Variants in ACOT13 observed in about 807,000 individuals in gnomAD.
The protein encoded by ACOT13 is acyl-CoA thioesterase 13, also known as acyl-coenzyme A thioesterase 13.
A neutral mutation model predicts 11.8 loss-of-function variants in ACOT13; 10 were observed. The observed-to-expected ratio is 0.85, with a 90% CI of 0.53 to 1.44. ACOT13 has a LOEUF of 1.44. Among genes scored for constraint, ACOT13 ranks in the 40% most tolerant of loss-of-function variants. The pLI is 0.00. For synonymous variants in ACOT13, 53 were observed against 61.0 expected (o/e 0.87, Z 0.61); for missense variants, 172 against 174.1 (o/e 0.99, Z 0.07).
chr6:24,676,956 A>G (rs1690222355), intron 1 of ACOT13, among the ~76,000 whole-genome samples: 1 of 152,130 alleles, frequency 6.6e-6, no homozygotes. Context: ...GCGTACTTAG[A>G]GTCTGTATAT....
chr6:24,697,826 T>C (rs1251438428), intron 1 of ACOT13, 57 bp from the exon 2 acceptor site: 1 of 1,428,190 alleles, frequency 7.0e-7, no homozygotes, highest in East Asian at 2.4e-5. Flanking sequence ...TCATGGGCTT[T>C]TTTGGCTTTT....
intron 1 of ACOT13, among the ~76,000 whole-genome samples, chr6:24,684,240 A>G (rs1271033508): frequency 1.3e-5 from 2 of 152,246 alleles, no homozygotes; most frequent in Non-Finnish European, 2.9e-5. Context: ...GGCAAATGGC[A>G]TAAAATCCAA....
intron 1 of ACOT13, chr6:24,687,785 A>C (rs2127625687): frequency 7.0e-5 from 89 of 1,267,662 alleles, no homozygotes; most frequent in East Asian, 1.4e-4. Flanking sequence ...ATCTTGGCTC[A>C]ACTGCAACCT....
rs532472016 is a variant in ACOT13, at chr6:24,704,921, CTTTTTT to C, written c.*3308_*3313del. 6.6e-6 allele frequency: 1 copy of C among 151,750 alleles called. No individual in the cohort carries two copies. Among genetic ancestry groups the C allele is most frequent in the Non-Finnish European group, 1.5e-5 (1 of 67,792 alleles). The allele number at this position is 151,750 out of a possible 1,614,324, so 9.4% of individuals were successfully genotyped here. A position where few individuals can be genotyped will look rare whatever the true frequency, so the allele number is the denominator to read the frequency against. ...CCTATTTTATTTAGGTTTTCTTTTT[CTTTTTT>C]TCTTTTTTTTTCAAATTCCAACCAG... On this transcript the variant is annotated 3_prime_UTR_variant, in exon 3 of 3. Transcript: ENST00000230048.
chr6:24,699,957 A>G (rs1428449451), intron 2 of ACOT13, among the ~76,000 whole-genome samples: 1 of 152,240 alleles, frequency 6.6e-6, no homozygotes, highest in Non-Finnish European at 1.5e-5. Context: ...AAACTAGGAC[A>G]TGGTCTTTCA....
At position 24,699,761 on chromosome 6, in the gene ACOT13, C is replaced by G. The variant is rs138522341; in HGVS notation, c.266+1694C>G. 6.6e-5 allele frequency among the ~76,000 whole-genome samples: 10 copies of G among 152,310 alleles called. No individual in the cohort carries two copies. The East Asian group carries it at 1.7e-3, about 26-fold the overall frequency. On this transcript the variant is annotated intron_variant, in intron 2 of 2. Transcript: ENST00000230048. ...ATGACTTGATTTTCCCTAAAAGTCT[C>G]TATTAAGAGCAGAGAGATCTTCAAA...
rs1420004836 is a variant in ACOT13 at position 24,702,043 on chromosome 6, G to GCTCA, written c.*428_*429insCTCA. 1 of 153,584 alleles carries GCTCA rather than the reference G, an allele frequency of 6.5e-6. No individual in the cohort carries two copies. The highest frequency in any genetic ancestry group is 2.4e-5 in the African/African-American group (1 of 41,476). 9.5% of individuals were successfully genotyped at this position (153,584 alleles called of 1,614,324 possible). On this transcript the variant is annotated 3_prime_UTR_variant, in exon 3 of 3. Transcript: ENST00000230048. ...GGTCAAGGCCCAGCAGATCCTGTTA[G>GCTCA]GTGAGGGCCCGCTTCCTGGCTCATA...
intron 1 of ACOT13, among the ~76,000 whole-genome samples, chr6:24,673,023 G>A (rs1399794023): frequency 6.6e-6 from 1 of 152,090 alleles, no homozygotes; most frequent in African/African-American, 2.4e-5. Flanking sequence ...GTCCTTTTTA[G>A]ACCCAGGAGT....
chr6:24,685,332 CTTTTTTTTTT>C (rs563020332), intron 1 of ACOT13, among the ~76,000 whole-genome samples: 20 of 116,764 alleles, frequency 1.7e-4, no homozygotes, highest in Non-Finnish European at 2.9e-4. Context: ...TTTTACTGTA[CTTTTTTTTTT>C]TTTTTTTTTT....
intron 1 of ACOT13, among the ~76,000 whole-genome samples, chr6:24,689,424 C>T (rs1193100193): frequency 6.6e-6 from 1 of 151,928 alleles, no homozygotes; most frequent in Non-Finnish European, 1.5e-5. Context: ...GAGTTTGAGT[C>T]CAGCCTGGGC....
Position 24,703,997 on chromosome 6 carries a change from A to T in ACOT13, c.*2382A>T, listed in dbSNP as rs150884401. On this transcript the variant is annotated 3_prime_UTR_variant, in exon 3 of 3. Transcript: ENST00000230048. The stretch of plus-strand genomic sequence containing the variant: ...TTCCACATTAAAGACAACTGAGAAC[A>T]ACTAAATTCAATGATCCTGTACTCT... 1 of 152,336 alleles carries T rather than the reference A, an allele frequency of 6.6e-6. No individual in the cohort carries two copies. The highest frequency in any genetic ancestry group is 1.9e-4 in the East Asian group (1 of 5,190). 9.4% of individuals were successfully genotyped at this position (152,336 alleles called of 1,614,324 possible). A position where few individuals can be genotyped will look rare whatever the true frequency, so the allele number is the denominator to read the frequency against.
rs1167372707 is a variant in ACOT13 at position 24,671,013 on chromosome 6, G to A, written c.81+3669G>A. Among the ~76,000 whole-genome samples the A allele has an allele frequency of 2.6e-5, 4 of 152,118 alleles. No homozygotes were observed. In the East Asian group the frequency reaches 7.7e-4, roughly 29 times the overall value. On this transcript the variant is annotated intron_variant, in intron 1 of 2. Transcript: ENST00000230048. ...ATAGTTACGTTTTTACACTGTTGGT[G>A]GGAGTGTAAACTAGGTCAACCATTG...
intron 1 of ACOT13, among the ~76,000 whole-genome samples, chr6:24,693,072 G>A (rs1430262668): frequency 6.6e-6 from 1 of 152,160 alleles, no homozygotes. Flanking sequence ...ATATGAAGGT[G>A]CATTCATACA....
intron 1 of ACOT13, among the ~76,000 whole-genome samples, chr6:24,680,416 T>A (rs1429175682): frequency 6.6e-6 from 1 of 152,000 alleles, no homozygotes; most frequent in Admixed American, 6.6e-5. Context: ...GTGGGGAACG[T>A]TTCCGATCTG....
chr6:24,682,980 CTGAT>C (rs1172492357), intron 1 of ACOT13, among the ~76,000 whole-genome samples: 1 of 152,190 alleles, frequency 6.6e-6, no homozygotes, highest in Non-Finnish European at 1.5e-5. Flanking sequence ...AGTGAGCTCT[CTGAT>C]TGGTTGGGTG....
At chr6:24,680,881 G>A (rs537721118) in intron 1 of ACOT13, among the ~76,000 whole-genome samples, 2 of 152,308 alleles carry the variant, frequency 1.3e-5, no homozygotes, top group South Asian at 2.1e-4. Context: ...CAGCTCGCAC[G>A]TTTGAGGAGA....
chr6:24,679,641 G>T (rs1318851339), intron 1 of ACOT13, among the ~76,000 whole-genome samples: 1 of 152,210 alleles, frequency 6.6e-6, no homozygotes, highest in Admixed American at 6.5e-5. Context: ...GGAACTGCCT[G>T]CTGGCCTGTG....
At chr6:24,669,002 GC>G (rs1778312317) in intron 1 of ACOT13, among the ~76,000 whole-genome samples, 1 of 152,190 alleles carries the variant, frequency 6.6e-6, no homozygotes, top group South Asian at 2.1e-4. Context: ...GCGTGAAACA[GC>G]CCTAGGTTCC....
Position 24,701,641 on chromosome 6 carries a change from AC to A in ACOT13, c.*29del. 6.3e-7 allele frequency: 1 copy of A among 1,574,862 alleles called. No individual in the cohort carries two copies. The highest frequency in any genetic ancestry group is 8.6e-7 in the Non-Finnish European group (1 of 1,159,566). On this transcript the variant is annotated 3_prime_UTR_variant, in exon 3 of 3. Coordinates refer to ENST00000230048, the MANE Select transcript of ACOT13 (RefSeq NM_018473.4). ...GAGAACAGCAGAATGACCTAAAGAAACCCAACAATGAATATCAAGTATAGAT... is the reference window on the plus strand; with the variant it reads ...GAGAACAGCAGAATGACCTAAAGAAACCAACAATGAATATCAAGTATAGAT...
Sources: gnomAD v4.1 joint callset for allele counts (sites outside exome capture counted in the v4.1 genomes callset) on GRCh38, gnomAD v4.1.1 for gene constraint, MANE v1.5 for transcripts, NCBI Gene and HGNC (gene_info 2026-07-23, HGNC 2026-07-21) for gene names.